Variants in TMEM132C observed in about 807,000 individuals in gnomAD.
The protein encoded by TMEM132C is transmembrane protein 132C.
A neutral mutation model predicts 61.4 loss-of-function variants in TMEM132C; 29 were observed. The ratio of observed to expected loss-of-function variants is 0.47; its 90% confidence interval spans 0.35 to 0.64. TMEM132C has a LOEUF of 0.64. TMEM132C is among the 30% of genes least tolerant of loss of function. TMEM132C has a pLI of 0.00. For missense variants in TMEM132C, 1,408 were observed against 1,476.9 expected (o/e 0.95, Z 0.76); for synonymous variants, 656 against 633.1 (o/e 1.04, Z -0.54).
chr12:128,279,196 A>G (rs1425475447), intron 1 of TMEM132C, among the ~76,000 whole-genome samples: 4 of 152,170 alleles, frequency 2.6e-5, no homozygotes, highest in African/African-American at 2.4e-5. Context: ...AAGCACACTC[A>G]TTATCTCCAT....
At chr12:128,351,037 G>T (rs1212196938) in intron 1 of TMEM132C, among the ~76,000 whole-genome samples, 1 of 152,116 alleles carries the variant, frequency 6.6e-6, no homozygotes, top group African/African-American at 2.4e-5. Context: ...TCCATAAAAT[G>T]CCCCAACTGT....
intron 1 of TMEM132C, among the ~76,000 whole-genome samples, chr12:128,301,962 A>T (rs912255549): frequency 1.3e-5 from 2 of 152,318 alleles, no homozygotes; most frequent in Non-Finnish European, 2.9e-5. Flanking sequence ...AAACCATCAG[A>T]TCTCATGAGA....
chr12:128,454,386 C>T (rs528449887), intron 2 of TMEM132C, among the ~76,000 whole-genome samples: 12 of 152,368 alleles, frequency 7.9e-5, no homozygotes, highest in Non-Finnish European at 1.6e-4. Flanking sequence ...TTTGCTCTTT[C>T]TCACCTATCC....
At chr12:128,352,213 C>T (rs953753321) in intron 1 of TMEM132C, among the ~76,000 whole-genome samples, 3 of 152,104 alleles carry the variant, frequency 2.0e-5, no homozygotes, top group African/African-American at 7.2e-5. Flanking sequence ...ACTCACAGTT[C>T]CACGGGGCTG....
intron 4 of TMEM132C, among the ~76,000 whole-genome samples, chr12:128,621,194 C>A (rs1953960102): frequency 6.6e-6 from 1 of 152,056 alleles, no homozygotes; most frequent in African/African-American, 2.4e-5. Flanking sequence ...GTGGGAGGCA[C>A]CAGAGAGAAC....
chr12:128,381,948 A>C (rs1654723239), intron 1 of TMEM132C, among the ~76,000 whole-genome samples: 1 of 151,058 alleles, frequency 6.6e-6, no homozygotes, highest in African/African-American at 2.4e-5. Flanking sequence ...TCTCGGATAC[A>C]CTCTGCCCTC....
At chr12:128,574,506 C>G (rs1875020993) in intron 3 of TMEM132C, among the ~76,000 whole-genome samples, 1 of 152,228 alleles carries the variant, frequency 6.6e-6, no homozygotes, top group Admixed American at 6.5e-5. Context: ...CGTGGCGGCA[C>G]TGCTGCCCCA....
chr12:128,678,633 C>T (rs1954611805), intron 5 of TMEM132C, among the ~76,000 whole-genome samples: 1 of 152,210 alleles, frequency 6.6e-6, no homozygotes. Flanking sequence ...CAGTGGTTCT[C>T]TGTGGGGTGA....
Position 128,616,273 on chromosome 12 carries a change from A to G in TMEM132C, c.1243A>G (p.Ile415Val), listed in dbSNP as rs1239593565. The change falls in exon 4 of 9, where the codon ATC becomes GTC. Residue 415 changes from isoleucine (I) to valine (V), a missense_variant. Coordinates refer to ENST00000435159, the MANE Select transcript of TMEM132C (RefSeq NM_001136103.3). ...GTACCCACGGAAGGGGACCACAGAC[A>G]TCGCCGTGTCCGAGATCTTTGTCAG... is the stretch of plus-strand genomic sequence containing the variant. Reference protein sequence around the residue: ...VEYPRKGTTDIAVSEIFVSQK... With the variant: ...VEYPRKGTTDVAVSEIFVSQK... The G allele has an allele frequency of 1.4e-5, 22 of 1,551,866 alleles. No individual in the cohort carries two copies. The highest frequency in any genetic ancestry group is 2.4e-5 in the South Asian group (2 of 84,064).
At chr12:128,507,402 CTTTTTTTT>C (rs111625089) in intron 2 of TMEM132C, among the ~76,000 whole-genome samples, 1 of 113,408 alleles carries the variant, frequency 8.8e-6, no homozygotes, top group Admixed American at 9.8e-5. Context: ...TTTTTTCTTT[CTTTTTTTT>C]TTTTTTTTTT....
At chr12:128,497,586 T>C (rs1310237869) in intron 2 of TMEM132C, among the ~76,000 whole-genome samples, 3 of 152,202 alleles carry the variant, frequency 2.0e-5, no homozygotes, top group East Asian at 3.9e-4. Context: ...CAGACTGCTG[T>C]GCTAGCAACG....
Position 128,330,512 on chromosome 12 carries a change from C to T in TMEM132C, c.85+63025C>T, listed in dbSNP as rs112943846. ...AGGCTGCAATGAGCTGTGAGTGCACCGCTGCACTCCAGCCTGGGCAACAGA... is the reference window on the plus strand; with the variant it reads ...AGGCTGCAATGAGCTGTGAGTGCACTGCTGCACTCCAGCCTGGGCAACAGA... On this transcript the variant is annotated intron_variant, in intron 1 of 8. Transcript: ENST00000435159. Among the ~76,000 whole-genome samples, 987 of 152,180 alleles carry T rather than the reference C, an allele frequency of 6.5e-3. 10 individuals carry two copies. Among genetic ancestry groups the T allele is most frequent in the Middle Eastern group, 0.01 (3 of 294 alleles).
At chr12:128,662,739 T>C (rs2135622080) in intron 4 of TMEM132C, among the ~76,000 whole-genome samples, 1 of 152,302 alleles carries the variant, frequency 6.6e-6, no homozygotes, top group East Asian at 1.9e-4. Flanking sequence ...CAAATGTGAC[T>C]TGGCTTTTTT....
chr12:128,422,758 A>G (rs1869032291), intron 2 of TMEM132C, among the ~76,000 whole-genome samples: 1 of 152,140 alleles, frequency 6.6e-6, no homozygotes, highest in Non-Finnish European at 1.5e-5. Flanking sequence ...TAAAATATGG[A>G]GCAGCATCCC....
chr12:128,328,286 G>A (rs79314411), intron 1 of TMEM132C, among the ~76,000 whole-genome samples: 30 of 152,234 alleles, frequency 2.0e-4, no homozygotes, highest in Non-Finnish European at 3.1e-4. Context: ...GTAAAAAAGA[G>A]TAATTATTAA....
At chr12:128,691,058 A>C (rs1044908523) in intron 5 of TMEM132C, among the ~76,000 whole-genome samples, 4 of 152,234 alleles carry the variant, frequency 2.6e-5, no homozygotes, top group Admixed American at 1.3e-4. Context: ...TCCAAGCTAC[A>C]TGATCTAGAC....
chr12:128,487,603 GTATATATATATA>G (rs35552118), intron 2 of TMEM132C, among the ~76,000 whole-genome samples: 2 of 136,604 alleles, frequency 1.5e-5, no homozygotes, highest in Admixed American at 1.5e-4. Flanking sequence ...GTGTGTGTGG[GTATATATATATA>G]TATATATATA....
At chr12:128,646,793 C>A (rs1012019527) in intron 4 of TMEM132C, among the ~76,000 whole-genome samples, 2 of 150,818 alleles carry the variant, frequency 1.3e-5, no homozygotes, top group African/African-American at 4.9e-5. Context: ...AGTCCATCAG[C>A]ATTGGATGAG....
At chr12:128,543,187 G>A (rs893841316) in intron 2 of TMEM132C, among the ~76,000 whole-genome samples, 1 of 152,188 alleles carries the variant, frequency 6.6e-6, no homozygotes, top group Non-Finnish European at 1.5e-5. Flanking sequence ...GGCAAGTCAC[G>A]TTAAGCAGGT....
Sources: gnomAD v4.1 joint callset for allele counts (sites outside exome capture counted in the v4.1 genomes callset) on GRCh38, gnomAD v4.1.1 for gene constraint, MANE v1.5 for transcripts, NCBI Gene and HGNC (gene_info 2026-07-23, HGNC 2026-07-21) for gene names.